The following CCDC178 variants were observed in gnomAD, a reference collection of about 807,000 sequenced individuals.
The protein encoded by CCDC178 is coiled-coil domain containing 178.
In CCDC178, 126 loss-of-function variants were observed where a neutral mutation model predicts 117.4. The ratio of observed to expected loss-of-function variants is 1.07; its 90% CI spans 0.93 to 1.24. The LOEUF is 1.24. Ranked by LOEUF, CCDC178 falls within the 50% of genes most tolerant of loss-of-function variation. CCDC178 has a pLI of 0.00. For synonymous variants in CCDC178, 283 were observed against 313.4 expected, an observed-to-expected ratio of 0.90 and a Z score of 1.02; for missense variants, 1,030 against 986.9, an observed-to-expected ratio of 1.04 and a Z score of -0.59.
intron 20 of CCDC178, among the ~76,000 whole-genome samples, chr18:33,171,567 T>G (rs999661376): frequency 3.9e-5 from 6 of 152,238 alleles, no homozygotes; most frequent in Non-Finnish European, 7.3e-5. Context: ...AATCGCAGTT[T>G]TGACCAAAGA....
intron 20 of CCDC178, among the ~76,000 whole-genome samples, chr18:33,200,258 G>C (rs894139903): frequency 2.0e-5 from 3 of 152,206 alleles, no homozygotes; most frequent in Non-Finnish European, 4.4e-5. Flanking sequence ...TTTGATGGGA[G>C]AGGCTTCTAA....
At chr18:33,309,721 T>C (rs2062309830) in intron 11 of CCDC178, among the ~76,000 whole-genome samples, 2 of 152,022 alleles carry the variant, frequency 1.3e-5, no homozygotes, top group South Asian at 4.1e-4. Flanking sequence ...TTGTGTCTTA[T>C]TGAGAAAAAA....
chr18:33,295,883 A>G (rs983990874), intron 11 of CCDC178, among the ~76,000 whole-genome samples: 3 of 152,196 alleles, frequency 2.0e-5, no homozygotes, highest in Non-Finnish European at 4.4e-5. Context: ...AGTTTTTTAT[A>G]AAATTAAACT....
Position 33,095,527 on chromosome 18 carries a change from A to T in CCDC178, c.2239-2617T>A, listed in dbSNP as rs187182817. On this transcript the variant is annotated intron_variant, in intron 20 of 22. Coordinates refer to ENST00000383096, the MANE Select transcript of CCDC178 (RefSeq NM_001105528.4). ...TGTAGGTTCCATGAGGGATGAGACC[A>T]TCATTTTGTTCGCCCTAAGAGATGT... is the stretch of plus-strand genomic sequence containing the variant. Among the ~76,000 whole-genome samples, 3 of 152,176 alleles carry T rather than the reference A, an allele frequency of 2.0e-5. No homozygotes were observed. The East Asian group carries it at 5.8e-4, about 29-fold the overall frequency.
At chr18:33,059,290 T>C (rs935293178) in intron 21 of CCDC178, among the ~76,000 whole-genome samples, 4 of 152,110 alleles carry the variant, frequency 2.6e-5, no homozygotes, top group African/African-American at 9.7e-5. Context: ...AATTCAAGAC[T>C]CCCCGATTAG....
intron 2 of CCDC178, among the ~76,000 whole-genome samples, chr18:33,423,526 T>G (rs1293167027): frequency 6.6e-6 from 1 of 152,166 alleles, no homozygotes; most frequent in Non-Finnish European, 1.5e-5. Context: ...TTTTTAAATA[T>G]TTTCCCTTTT....
At chr18:33,059,899 A>G (rs1340119753) in intron 21 of CCDC178, among the ~76,000 whole-genome samples, 2 of 152,196 alleles carry the variant, frequency 1.3e-5, no homozygotes. Context: ...GCCCTCGCAT[A>G]TAAGATTCTT....
chr18:33,340,220 T>A (rs1364400976), intron 9 of CCDC178, among the ~76,000 whole-genome samples: 1 of 152,106 alleles, frequency 6.6e-6, no homozygotes, highest in Non-Finnish European at 1.5e-5. Context: ...TGGTGGCATT[T>A]TGCCCCTGCC....
At position 33,293,224 on chromosome 18, in the gene CCDC178, C is replaced by T; in HGVS notation, c.1111G>A (p.Glu371Lys). The T allele has an allele frequency of 6.3e-7, 1 of 1,588,432 alleles. No homozygotes were observed. Among genetic ancestry groups the T allele is most frequent in the South Asian group, 1.1e-5 (1 of 89,140 alleles). Residue 371 changes from glutamate (E) to lysine (K), a missense_variant, in exon 12 of 23, where the codon GAA becomes AAA. Physicochemically the swap from Glu to Lys is moderately conservative, Grantham distance 56. Transcript: ENST00000383096. ...VNTNIEEKEE[E>K]VTEAIRETKS... ...GTTTCCCTTATTGCTTCAGTCACTT[C>T]CTCTTCCTTCTCCTCAATATTAGTA... is the stretch of plus-strand genomic sequence containing the variant.
chr18:33,120,323 T>C (rs2057920162), intron 20 of CCDC178, among the ~76,000 whole-genome samples: 1 of 152,128 alleles, frequency 6.6e-6, no homozygotes, highest in Non-Finnish European at 1.5e-5. Flanking sequence ...CATTATATTA[T>C]ATTGACTGGG....
intron 12 of CCDC178, among the ~76,000 whole-genome samples, chr18:33,281,114 TA>T (rs1234559799): frequency 1.3e-4 from 20 of 150,828 alleles, no homozygotes; most frequent in African/African-American, 4.4e-4. Flanking sequence ...ATAATAATAA[TA>T]AAGAAACACA....
chr18:33,059,808 A>G (rs1156859558), intron 21 of CCDC178, among the ~76,000 whole-genome samples: 1 of 152,162 alleles, frequency 6.6e-6, no homozygotes, highest in Non-Finnish European at 1.5e-5. Flanking sequence ...TCTCTAAAAC[A>G]TAAACTTGGT....
At chr18:33,161,152 G>A (rs2058457606) in intron 20 of CCDC178, among the ~76,000 whole-genome samples, 1 of 152,046 alleles carries the variant, frequency 6.6e-6, no homozygotes, top group Non-Finnish European at 1.5e-5. Flanking sequence ...AGAGCAACAA[G>A]AAGAATGGAA....
At chr18:33,082,558 T>C (rs2057314309) in intron 21 of CCDC178, among the ~76,000 whole-genome samples, 1 of 152,158 alleles carries the variant, frequency 6.6e-6, no homozygotes, top group Admixed American at 6.5e-5. Flanking sequence ...CTTAGTTTAG[T>C]ATAATTGAAA....
At chr18:33,087,015 A>ACACAC (rs2057390149) in intron 21 of CCDC178, among the ~76,000 whole-genome samples, 2 of 139,186 alleles carry the variant, frequency 1.4e-5, no homozygotes, top group African/African-American at 5.8e-5. Context: ...CACACACACA[A>ACACAC]CAAAATAGCC....
At chr18:33,250,756 G>A (rs2059611360) in intron 14 of CCDC178, among the ~76,000 whole-genome samples, 2 of 151,388 alleles carry the variant, frequency 1.3e-5, no homozygotes, top group African/African-American at 2.4e-5. Flanking sequence ...AACTATACCC[G>A]AAAAATTTCA....
At chr18:32,948,256 C>A (rs1293564162) in intron 22 of CCDC178, among the ~76,000 whole-genome samples, 1 of 152,088 alleles carries the variant, frequency 6.6e-6, no homozygotes, top group Non-Finnish European at 1.5e-5. Context: ...AATTTCGATT[C>A]AGATTGTGTT....
At chr18:33,089,329 C>A (rs1397495427) in intron 21 of CCDC178, among the ~76,000 whole-genome samples, 1 of 152,044 alleles carries the variant, frequency 6.6e-6, no homozygotes, top group Non-Finnish European at 1.5e-5. Flanking sequence ...TGATTCCCAT[C>A]CCAGCATCTC....
chr18:32,954,324 C>A (rs2054549680), intron 22 of CCDC178, among the ~76,000 whole-genome samples: 1 of 152,036 alleles, frequency 6.6e-6, no homozygotes. Context: ...AAATCATGAA[C>A]CCTTCTTACA....
Sources: allele counts gnomAD v4.1 joint callset (sites outside exome capture counted in the v4.1 genomes callset), GRCh38; gene constraint gnomAD v4.1.1; transcripts MANE v1.5; gene names NCBI Gene and HGNC (gene_info 2026-07-23, HGNC 2026-07-21).